Variants in CADPS observed in about 807,000 individuals in gnomAD.
The protein encoded by CADPS is calcium dependent secretion activator.
Under a neutral mutation model 167.3 loss-of-function variants are expected in CADPS, and 57 were observed. The observed-to-expected ratio is 0.34, with a 90% CI of 0.28 to 0.42. The LOEUF is 0.42. CADPS is among the 20% of genes least tolerant of loss of function. The pLI is 1.00. For missense variants in CADPS, 1,414 were observed against 1,738.1 expected, an observed-to-expected ratio of 0.81 and a Z score of 3.32; for synonymous variants, 676 against 635.3, an observed-to-expected ratio of 1.06 and a Z score of -0.96.
At chr3:62,690,300 A>G (rs558199040) in intron 3 of CADPS, among the ~76,000 whole-genome samples, 3 of 152,024 alleles carry the variant, frequency 2.0e-5, no homozygotes, top group Admixed American at 2.0e-4. Flanking sequence ...TTTTCTTATG[A>G]CAGAGTATCA....
intron 5 of CADPS, 140 bp from the exon 6 acceptor site, chr3:62,645,983 T>C (rs972307907): frequency 4.5e-6 from 4 of 885,142 alleles, no homozygotes; most frequent in Non-Finnish European, 1.7e-6. Flanking sequence ...CCAGTCATGC[T>C]GGGACCAGTC....
chr3:62,448,177 AAGCATCGG>A (rs2057500837), intron 26 of CADPS, among the ~76,000 whole-genome samples: 1 of 152,202 alleles, frequency 6.6e-6, no homozygotes, highest in South Asian at 2.1e-4. Context: ...TGAGGAATTC[AAGCATCGG>A]TGGTCAGAGC....
intron 5 of CADPS, among the ~76,000 whole-genome samples, chr3:62,647,180 C>CA (rs2068785305): frequency 6.6e-6 from 1 of 152,068 alleles, no homozygotes; most frequent in African/African-American, 2.4e-5. Context: ...AGTTGTACTC[C>CA]AAAACAGGTA....
At chr3:62,827,057 T>A (rs2074194454) in intron 1 of CADPS, among the ~76,000 whole-genome samples, 1 of 152,204 alleles carries the variant, frequency 6.6e-6, no homozygotes, top group Non-Finnish European at 1.5e-5. Flanking sequence ...AGGCTTGATA[T>A]GAAACACCAC....
intron 6 of CADPS, among the ~76,000 whole-genome samples, chr3:62,639,850 C>A (rs979590165): frequency 5.3e-5 from 8 of 152,082 alleles, no homozygotes; most frequent in African/African-American, 1.9e-4. Flanking sequence ...CATTGTTCCC[C>A]CTTCTGGTCC....
At chr3:62,627,490 TTTC>T (rs745618710) in intron 6 of CADPS, among the ~76,000 whole-genome samples, 8 of 152,096 alleles carry the variant, frequency 5.3e-5, no homozygotes, top group Non-Finnish European at 7.4e-5. Flanking sequence ...AAAACGGAAA[TTTC>T]AAATGCAGGG....
At chr3:62,802,621 G>A (rs1019090501) in intron 1 of CADPS, among the ~76,000 whole-genome samples, 17 of 152,084 alleles carry the variant, frequency 1.1e-4, no homozygotes, top group African/African-American at 3.9e-4. Context: ...TGAAGGTGGT[G>A]GTTTCAAAGT....
chr3:62,712,576 C>T (rs2053971743), intron 3 of CADPS, among the ~76,000 whole-genome samples: 1 of 152,110 alleles, frequency 6.6e-6, no homozygotes, highest in South Asian at 2.1e-4. Flanking sequence ...CCTTGTTGTT[C>T]ACCTCTTAAT....
At chr3:62,678,241 T>C (rs2076623498) in intron 3 of CADPS, among the ~76,000 whole-genome samples, 2 of 151,984 alleles carry the variant, frequency 1.3e-5, no homozygotes, top group Non-Finnish European at 2.9e-5. Context: ...GAATAAGAGA[T>C]GCAGAAAATC....
chr3:62,593,325 T>C (rs1296626758), intron 6 of CADPS, among the ~76,000 whole-genome samples: 1 of 152,214 alleles, frequency 6.6e-6, no homozygotes, highest in African/African-American at 2.4e-5. Context: ...TGCCATTCCC[T>C]GCTCATAGTT....
At chr3:62,855,477 TAGA>T (rs2079502538) in intron 1 of CADPS, among the ~76,000 whole-genome samples, 1 of 152,076 alleles carries the variant, frequency 6.6e-6, no homozygotes, top group African/African-American at 2.4e-5. Flanking sequence ...CCAAAGGAAT[TAGA>T]AGAAAAGGTA....
intron 17 of CADPS, 29 bp downstream of exon 17, chr3:62,512,721 TA>T: frequency 6.4e-7 from 1 of 1,574,180 alleles, no homozygotes; most frequent in African/African-American, 1.4e-5. Context: ...ACAGTCCTGA[TA>T]ATTTATAATG....
intron 1 of CADPS, among the ~76,000 whole-genome samples, chr3:62,829,937 T>C (rs1419558464): frequency 2.0e-5 from 3 of 152,154 alleles, no homozygotes; most frequent in African/African-American, 7.2e-5. Context: ...AGCCAACTTG[T>C]TGTCAATAAA....
chr3:62,745,490 G>C (rs750648682), intron 3 of CADPS, among the ~76,000 whole-genome samples: 15 of 152,230 alleles, frequency 9.9e-5, no homozygotes, highest in Non-Finnish European at 1.5e-4. Flanking sequence ...TCTAGGGGCA[G>C]TGTATGACTT....
At chr3:62,499,498 C>T in intron 17 of CADPS, 1 of 362,956 alleles carries the variant, frequency 2.8e-6, no homozygotes, top group Non-Finnish European at 5.1e-6. Flanking sequence ...TTCAAATTTG[C>T]ATATGAAGCT....
intron 21 of CADPS, among the ~76,000 whole-genome samples, chr3:62,486,970 G>T (rs571260398): frequency 6.6e-6 from 1 of 152,200 alleles, no homozygotes. Flanking sequence ...GAAATGAGTG[G>T]TAACTCCATG....
At chr3:62,622,398 C>G (rs1431249250) in intron 6 of CADPS, among the ~76,000 whole-genome samples, 1 of 152,058 alleles carries the variant, frequency 6.6e-6, no homozygotes, top group Non-Finnish European at 1.5e-5. Flanking sequence ...TTTTTCCGGG[C>G]CACTGAAACT....
At chr3:62,823,165 T>C (rs886500514) in intron 1 of CADPS, among the ~76,000 whole-genome samples, 1 of 152,160 alleles carries the variant, frequency 6.6e-6, no homozygotes, top group Non-Finnish European at 1.5e-5. Flanking sequence ...AAACAGAATG[T>C]GTGTGTTGTG....
At chr3:62,656,535 C>CA (rs1455029218) in intron 4 of CADPS, among the ~76,000 whole-genome samples, 1 of 152,136 alleles carries the variant, frequency 6.6e-6, no homozygotes, top group Non-Finnish European at 1.5e-5. Flanking sequence ...AGAGCTGAGG[C>CA]AACTCTGGGG....
Sources: gnomAD v4.1 joint callset for allele counts (sites outside exome capture counted in the v4.1 genomes callset) on GRCh38, gnomAD v4.1.1 for gene constraint, MANE v1.5 for transcripts, NCBI Gene and HGNC (gene_info 2026-07-23, HGNC 2026-07-21) for gene names.